PCDH9: variants seen among roughly 807,000 people sequenced by gnomAD.
PCDH9 encodes protocadherin 9, also known as protocadherin-9.
A neutral mutation model predicts 70.6 loss-of-function variants in PCDH9; 24 were observed. The ratio of observed to expected loss-of-function variants is 0.34; its 90% CI spans 0.25 to 0.48. PCDH9 has a LOEUF of 0.48. PCDH9 is among the 20% of genes least tolerant of loss of function. The probability of loss-of-function intolerance (pLI) is 0.99; values close to 1 mark genes in which losing one functional copy is unlikely to be tolerated. For missense variants in PCDH9, 1,281 were observed against 1,503.6 expected (o/e 0.85, Z 2.45); for synonymous variants, 562 against 558.5 (o/e 1.01, Z -0.09).
At chr13:66,640,986 C>T (rs975934411) in intron 3 of PCDH9, among the ~76,000 whole-genome samples, 5 of 152,160 alleles carry the variant, frequency 3.3e-5, no homozygotes, top group Middle Eastern at 3.4e-3. Flanking sequence ...AGCAATTCTC[C>T]GGCCTCAGCC....
At chr13:66,704,371 G>A (rs1301432055) in intron 3 of PCDH9, among the ~76,000 whole-genome samples, 1 of 152,158 alleles carries the variant, frequency 6.6e-6, no homozygotes, top group Non-Finnish European at 1.5e-5. Context: ...GCTGACATGA[G>A]CCACAAGACT....
chr13:67,220,957 C>T (rs1167231133), intron 2 of PCDH9: 1 of 151,990 alleles, frequency 6.6e-6, no homozygotes, highest in Non-Finnish European at 1.5e-5. Context: ...GTGGCCTATC[C>T]TCATTTCAAA....
intron 3 of PCDH9, among the ~76,000 whole-genome samples, chr13:66,889,493 A>T (rs148131069): frequency 2.0e-5 from 3 of 152,308 alleles, no homozygotes; most frequent in African/African-American, 7.2e-5. Flanking sequence ...GGGTGCTGGT[A>T]AATGAGCTTT....
At chr13:66,857,083 T>C (rs535219666) in intron 3 of PCDH9, among the ~76,000 whole-genome samples, 4 of 152,204 alleles carry the variant, frequency 2.6e-5, no homozygotes, top group Admixed American at 1.3e-4. Context: ...GTCCTTTTAA[T>C]TTTTTATTTA....
At chr13:66,875,761 G>T (rs982671217) in intron 3 of PCDH9, among the ~76,000 whole-genome samples, 1 of 152,130 alleles carries the variant, frequency 6.6e-6, no homozygotes, top group Non-Finnish European at 1.5e-5. Context: ...ATTTACAGTT[G>T]TTTACAAATG....
At chr13:66,617,964 G>C (rs912454157) in intron 4 of PCDH9, among the ~76,000 whole-genome samples, 1 of 152,058 alleles carries the variant, frequency 6.6e-6, no homozygotes, top group South Asian at 2.1e-4. Context: ...CAGGTGGGAG[G>C]GGGTCCCTGG....
chr13:67,084,472 T>C (rs1047100438), intron 2 of PCDH9, among the ~76,000 whole-genome samples: 1 of 152,150 alleles, frequency 6.6e-6, no homozygotes, highest in Non-Finnish European at 1.5e-5. Context: ...CAAGATACCT[T>C]GCTCTTTTAG....
At chr13:66,600,624 A>C (rs1164464346) in intron 4 of PCDH9, among the ~76,000 whole-genome samples, 1 of 151,172 alleles carries the variant, frequency 6.6e-6, no homozygotes, top group Non-Finnish European at 1.5e-5. Context: ...ATATTGTCAT[A>C]TCTGTTTTGT....
intron 4 of PCDH9, among the ~76,000 whole-genome samples, chr13:66,397,604 CATATATGTGTATATATACATATTTTGTAT>C (rs1957124837): frequency 6.6e-6 from 1 of 150,834 alleles, no homozygotes; most frequent in Non-Finnish European, 1.5e-5. Flanking sequence ...TGCATTTGTA[CATATATGTGTATATATACATATTTTGTAT>C]ATATATACAC....
At chr13:67,183,024 A>G (rs528431380) in intron 2 of PCDH9, among the ~76,000 whole-genome samples, 1 of 152,318 alleles carries the variant, frequency 6.6e-6, no homozygotes, top group South Asian at 2.1e-4. Flanking sequence ...ATTGTAATTA[A>G]TTAATCTATA....
intron 3 of PCDH9, among the ~76,000 whole-genome samples, chr13:66,873,936 C>G (rs200283834): frequency 5.2e-5 from 5 of 96,960 alleles, no homozygotes; most frequent in African/African-American, 2.0e-4. Context: ...TTTTTTCTTT[C>G]TTTCTTTTTT....
intron 2 of PCDH9, among the ~76,000 whole-genome samples, chr13:67,059,864 GTTTGT>G (rs1371305647): frequency 2.2e-5 from 3 of 134,056 alleles, no homozygotes; most frequent in Non-Finnish European, 4.6e-5. Flanking sequence ...TATTTCTGTT[GTTTGT>G]TTTTTGTTTT....
intron 4 of PCDH9, among the ~76,000 whole-genome samples, chr13:66,325,895 C>A (rs1955833775): frequency 6.6e-6 from 1 of 152,160 alleles, no homozygotes; most frequent in African/African-American, 2.4e-5. Flanking sequence ...AGCACAGGTT[C>A]ATTACAATCG....
Position 66,850,121 on chromosome 13 carries a change from C to T in PCDH9, c.3138+53383G>A, listed in dbSNP as rs543049967. Among the ~76,000 whole-genome samples, 356 of 151,932 alleles carry T rather than the reference C, an allele frequency of 2.3e-3. 2 individuals carry two copies. Among genetic ancestry groups the T allele is most frequent in the African/African-American group, 8.2e-3 (340 of 41,428 alleles). ...TAATATTACAACAATAATTTTGTGC[C>T]ACTAAAAAGGAGGTGCAGAAATCTT... On this transcript the variant is annotated intron_variant, in intron 3 of 4. Transcript: ENST00000377865.
At chr13:66,828,806 C>T (rs1276910470) in intron 3 of PCDH9, among the ~76,000 whole-genome samples, 4 of 119,908 alleles carry the variant, frequency 3.3e-5, no homozygotes, top group Non-Finnish European at 5.6e-5. Flanking sequence ...GTAAGCCATA[C>T]ATAAAATAAT....
At chr13:66,719,902 G>A (rs543547747) in intron 3 of PCDH9, among the ~76,000 whole-genome samples, 2 of 152,282 alleles carry the variant, frequency 1.3e-5, no homozygotes, top group South Asian at 4.1e-4. Context: ...GGAGGAAAAA[G>A]ATTGATGAAA....
chr13:66,797,934 A>G (rs1286107096), intron 3 of PCDH9, among the ~76,000 whole-genome samples: 1 of 150,862 alleles, frequency 6.6e-6, no homozygotes, highest in East Asian at 1.9e-4. Flanking sequence ...GCATTAAACA[A>G]TGTGTTCTGT....
At chr13:66,372,476 G>A (rs769704240) in intron 4 of PCDH9, among the ~76,000 whole-genome samples, 17 of 151,676 alleles carry the variant, frequency 1.1e-4, no homozygotes, top group Non-Finnish European at 1.8e-4. Context: ...ATATATTTCT[G>A]AAAGTAAGAC....
chr13:67,104,715 A>AT (rs945932724), intron 2 of PCDH9, among the ~76,000 whole-genome samples: 2 of 151,906 alleles, frequency 1.3e-5, no homozygotes, highest in Admixed American at 6.6e-5. Context: ...CGCTAGGCTA[A>AT]TTTTTTTGTA....
Sources: gnomAD v4.1 joint callset for allele counts (sites outside exome capture counted in the v4.1 genomes callset) on GRCh38, gnomAD v4.1.1 for gene constraint, MANE v1.5 for transcripts, NCBI Gene and HGNC (gene_info 2026-07-23, HGNC 2026-07-21) for gene names.